Variants in SYT2 observed in about 807,000 individuals in gnomAD.
SYT2 encodes synaptotagmin 2.
A neutral mutation model predicts 39.9 loss-of-function variants in SYT2; 15 were observed. That is an observed-to-expected ratio of 0.38 (90% confidence interval 0.25 to 0.58). SYT2 has a LOEUF of 0.58. SYT2 is among the 20% of genes least tolerant of loss of function. SYT2 has a pLI of 0.70. For missense variants in SYT2, 389 were observed against 530.3 expected (o/e 0.73, Z 2.62); for synonymous variants, 181 against 204.5 (o/e 0.89, Z 0.98).
chr1:202,622,817 A>T (rs1691241527), intron 1 of SYT2, among the ~76,000 whole-genome samples: 1 of 152,206 alleles, frequency 6.6e-6, no homozygotes, highest in Non-Finnish European at 1.5e-5. Context: ...CCAGGCATGG[A>T]TACCCTTAAA....
chr1:202,594,411 TAAAGGTAG>T lies in SYT2; in HGVS notation c.*2338_*2345del, dbSNP rs1164555681. On this transcript the variant is annotated 3_prime_UTR_variant, in exon 9 of 9. Coordinates refer to ENST00000367268, the MANE Select transcript of SYT2 (RefSeq NM_177402.5). The stretch of plus-strand genomic sequence containing the variant: ...GATGAATTGGGAAAGGGCAAAGGAG[TAAAGGTAG>T]AGGGGATATTGACAAGGGGGTCTCC... 6.6e-6 allele frequency: 1 copy of T among 151,566 alleles called. No individual in the cohort carries two copies. Among genetic ancestry groups the T allele is most frequent in the Non-Finnish European group, 1.5e-5 (1 of 67,934 alleles). 9.4% of individuals were successfully genotyped at this position (151,566 alleles called of 1,614,324 possible).
At chr1:202,654,115 T>A (rs770504765) in intron 1 of SYT2, among the ~76,000 whole-genome samples, 5 of 152,234 alleles carry the variant, frequency 3.3e-5, no homozygotes, top group Non-Finnish European at 5.9e-5. Context: ...TCTCTGCCCT[T>A]GCCCAGCCAC....
intron 1 of SYT2, among the ~76,000 whole-genome samples, chr1:202,625,512 C>T (rs1376896036): frequency 3.3e-5 from 5 of 151,564 alleles, no homozygotes; most frequent in Admixed American, 1.3e-4. Flanking sequence ...CAGGTGCCCC[C>T]GTTCAAGCTG....
rs1295142006 is a variant in SYT2 at position 202,591,579 on chromosome 1, C to G, written c.*5178G>C. 1 of 152,570 alleles carries G rather than the reference C, an allele frequency of 6.6e-6. No individual in the cohort carries two copies. Among genetic ancestry groups the G allele is most frequent in the Non-Finnish European group, 1.5e-5 (1 of 68,356 alleles). 9.5% of individuals were successfully genotyped at this position (152,570 alleles called of 1,614,324 possible). A position where few individuals can be genotyped will look rare whatever the true frequency, so the allele number is the denominator to read the frequency against. ...GAGCCTCTCTCACAGCTGAACCTGCCCACCCCACTCTCAGGGGATCGCTGG... is the reference window on the plus strand; with the variant it reads ...GAGCCTCTCTCACAGCTGAACCTGCGCACCCCACTCTCAGGGGATCGCTGG... On this transcript the variant is annotated 3_prime_UTR_variant, in exon 9 of 9. Coordinates refer to ENST00000367268, the MANE Select transcript of SYT2 (RefSeq NM_177402.5).
chr1:202,596,329 ACACACACG>A lies in SYT2; in HGVS notation c.*420_*427del, dbSNP rs1263493055. ...CACATACACACACACACACACACAC[ACACACACG>A]ATCATTGGCCACTGTGATGCCTTCC... On this transcript the variant is annotated 3_prime_UTR_variant, in exon 9 of 9. Coordinates refer to ENST00000367268, the MANE Select transcript of SYT2 (RefSeq NM_177402.5). 1.1e-5 allele frequency: 2 copies of A among 180,026 alleles called. No individual in the cohort carries two copies. Among genetic ancestry groups the A allele is most frequent in the Non-Finnish European group, 2.2e-5 (2 of 89,232 alleles). The allele number at this position is 180,026 out of a possible 1,614,324, so 11.2% of individuals were successfully genotyped here. A position where few individuals can be genotyped will look rare whatever the true frequency, so the allele number is the denominator to read the frequency against.
chr1:202,672,188 T>A (rs1230379754), intron 1 of SYT2, among the ~76,000 whole-genome samples: 1 of 152,200 alleles, frequency 6.6e-6, no homozygotes, highest in African/African-American at 2.4e-5. Flanking sequence ...CAATAAAATA[T>A]AAAGCTTATA....
intron 1 of SYT2, among the ~76,000 whole-genome samples, chr1:202,695,561 T>C (rs1183277592): frequency 6.6e-6 from 1 of 152,198 alleles, no homozygotes; most frequent in African/African-American, 2.4e-5. Flanking sequence ...CTCGATTTGA[T>C]TGAGTGTGAC....
chr1:202,702,974 A>G lies in SYT2; in HGVS notation c.-18+7284T>C, dbSNP rs149755216. ...GAGTTAAGGTGTAGCAGAAGCAGAG[A>G]AGGCCCCGCTCCAGAAAATGCTTCC... is the stretch of plus-strand genomic sequence containing the variant. On this transcript the variant is annotated intron_variant, in intron 1 of 8. Coordinates refer to ENST00000367268, the MANE Select transcript of SYT2 (RefSeq NM_177402.5). 1.7e-3 allele frequency among the ~76,000 whole-genome samples: 261 copies of G among 152,268 alleles called. 1 individual carries two copies. The highest frequency in any genetic ancestry group is 5.8e-3 in the African/African-American group (241 of 41,548).
intron 1 of SYT2, among the ~76,000 whole-genome samples, chr1:202,630,923 T>A (rs996020376): frequency 3.9e-5 from 6 of 152,216 alleles, no homozygotes; most frequent in Admixed American, 3.3e-4. Context: ...CCCCTTCATA[T>A]GACCACTGGT....
chr1:202,707,441 C>A (rs1271192786), intron 1 of SYT2, among the ~76,000 whole-genome samples: 1 of 152,148 alleles, frequency 6.6e-6, no homozygotes, highest in African/African-American at 2.4e-5. Flanking sequence ...ATCCCCACCA[C>A]CCTGGACCTT....
chr1:202,617,496 A>G (rs1691079004), intron 1 of SYT2, among the ~76,000 whole-genome samples: 1 of 152,178 alleles, frequency 6.6e-6, no homozygotes, highest in South Asian at 2.1e-4. Flanking sequence ...TGCCAGCATC[A>G]TGCTTTCTGT....
At chr1:202,611,020 A>G (rs1690871149) in intron 1 of SYT2, among the ~76,000 whole-genome samples, 1 of 152,370 alleles carries the variant, frequency 6.6e-6, no homozygotes, top group South Asian at 2.1e-4. Flanking sequence ...TGCCAAGTCA[A>G]TCCTAAGCCA....
intron 1 of SYT2, among the ~76,000 whole-genome samples, chr1:202,677,193 AACAG>A (rs1397180123): frequency 4.6e-5 from 7 of 152,204 alleles, no homozygotes; most frequent in African/African-American, 1.7e-4. Context: ...GCAGTGTGAG[AACAG>A]ACAAATACAG....
chr1:202,641,575 C>T (rs1691917640), intron 1 of SYT2, among the ~76,000 whole-genome samples: 1 of 152,208 alleles, frequency 6.6e-6, no homozygotes, highest in South Asian at 2.1e-4. Context: ...TCATCTCAAC[C>T]GAAGACAGAA....
intron 1 of SYT2, among the ~76,000 whole-genome samples, chr1:202,612,524 C>A (rs1321828251): frequency 6.6e-6 from 1 of 152,116 alleles, no homozygotes; most frequent in Non-Finnish European, 1.5e-5. Flanking sequence ...CATGCCACCA[C>A]AACTGGCTAA....
chr1:202,611,583 T>G (rs1271029315), intron 1 of SYT2, among the ~76,000 whole-genome samples: 1 of 152,192 alleles, frequency 6.6e-6, no homozygotes, highest in African/African-American at 2.4e-5. Context: ...CCCAAACTCC[T>G]GACCTCAGTT....
chr1:202,624,511 G>C (rs559276989), intron 1 of SYT2, among the ~76,000 whole-genome samples: 24 of 150,304 alleles, frequency 1.6e-4, no homozygotes, highest in African/African-American at 5.9e-4. Context: ...TGTATGGTGT[G>C]TGTCTGTGTG....
At chr1:202,637,508 G>T (rs532221380) in intron 1 of SYT2, among the ~76,000 whole-genome samples, 1 of 152,246 alleles carries the variant, frequency 6.6e-6, no homozygotes, top group Non-Finnish European at 1.5e-5. Flanking sequence ...GGGTGGGGAT[G>T]GGGGACAGGC....
intron 1 of SYT2, among the ~76,000 whole-genome samples, chr1:202,609,311 C>T (rs1006830008): frequency 2.6e-5 from 4 of 152,084 alleles, no homozygotes; most frequent in African/African-American, 7.2e-5. Flanking sequence ...CAAGTCTTTG[C>T]TATTGTGAAT....
Sources: gnomAD v4.1 joint callset for allele counts (sites outside exome capture counted in the v4.1 genomes callset) on GRCh38, gnomAD v4.1.1 for gene constraint, MANE v1.5 for transcripts, NCBI Gene and HGNC (gene_info 2026-07-23, HGNC 2026-07-21) for gene names.